ZGRF1: variants seen among roughly 807,000 people sequenced by gnomAD.
The protein encoded by ZGRF1 is zinc finger GRF-type containing 1.
Under a neutral mutation model 203.5 loss-of-function variants are expected in ZGRF1, and 196 were observed. That is an observed-to-expected ratio of 0.96 (90% CI 0.86 to 1.08). The LOEUF is 1.08. Among genes scored for constraint, ZGRF1 ranks in the 50% least tolerant of loss-of-function variants. ZGRF1 has a pLI of 0.00. For synonymous variants in ZGRF1, 809 were observed against 841.3 expected (o/e 0.96, Z 0.66); for missense variants, 2,326 against 2,416.3 (o/e 0.96, Z 0.78).
At chr4:112,545,376 AATAAG>A in intron 24 of ZGRF1, among the ~76,000 whole-genome samples, 1 of 152,308 alleles carries the variant, frequency 6.6e-6, no homozygotes, top group Non-Finnish European at 1.5e-5. Context: ...ATAAATGGCT[AATAAG>A]CACATGAAAA....
At chr4:112,552,266 G>C (rs560589872) in intron 22 of ZGRF1, among the ~76,000 whole-genome samples, 5 of 150,088 alleles carry the variant, frequency 3.3e-5, no homozygotes, top group African/African-American at 1.2e-4. Flanking sequence ...GACAGAGCGA[G>C]ACTCTGGCTC....
intron 16 of ZGRF1, among the ~76,000 whole-genome samples, chr4:112,572,360 T>A (rs1744361070): frequency 6.6e-6 from 1 of 152,204 alleles, no homozygotes; most frequent in African/African-American, 2.4e-5. Context: ...TGTGGAGGAA[T>A]GAAATTGGAT....
chr4:112,630,412 G>C (rs2047369627), intron 3 of ZGRF1, among the ~76,000 whole-genome samples: 1 of 152,076 alleles, frequency 6.6e-6, no homozygotes, highest in Non-Finnish European at 1.5e-5. Context: ...CAGCTACTCA[G>C]GAGGCTGAGG....
At chr4:112,609,252 A>C (rs1022853904) in intron 8 of ZGRF1, 127 bp downstream of exon 8, 2 of 291,752 alleles carry the variant, frequency 6.9e-6, no homozygotes, top group Non-Finnish European at 1.4e-5. Flanking sequence ...ACGGGGTTTT[A>C]CCATGTTAGC....
At chr4:112,550,863 T>A (rs758443706) in intron 22 of ZGRF1, among the ~76,000 whole-genome samples, 10 of 152,160 alleles carry the variant, frequency 6.6e-5, no homozygotes, top group South Asian at 2.1e-4. Context: ...AAATTAAAAA[T>A]TTTTTTAGAA....
chr4:112,592,260 G>T (rs1440417625), intron 10 of ZGRF1, among the ~76,000 whole-genome samples: 1 of 151,870 alleles, frequency 6.6e-6, no homozygotes, highest in Non-Finnish European at 1.5e-5. Context: ...ACCACCCCAG[G>T]CTAATTTTTG....
intron 10 of ZGRF1, among the ~76,000 whole-genome samples, chr4:112,592,940 AGAC>A (rs1458758560): frequency 6.6e-6 from 1 of 152,166 alleles, no homozygotes; most frequent in Non-Finnish European, 1.5e-5. Context: ...TTACAAAGAG[AGAC>A]AACAGAGAAT....
chr4:112,576,009 C>T (rs11725239), intron 16 of ZGRF1, among the ~76,000 whole-genome samples: 8,087 of 152,214 alleles, frequency 0.053, 309 homozygotes, highest in South Asian at 0.16. Flanking sequence ...CCCAAGTAGC[C>T]TAACTGGGAG....
chr4:112,623,637 A>T (rs1329663509), intron 4 of ZGRF1, among the ~76,000 whole-genome samples, 180 bp downstream of exon 4: 1 of 152,160 alleles, frequency 6.6e-6, no homozygotes, highest in Admixed American at 6.5e-5. Context: ...GATCATAAAA[A>T]ATCAGTTGTA....
At position 112,618,060 on chromosome 4, in the gene ZGRF1, T is replaced by A. The variant is rs1412118178; in HGVS notation, c.1982A>T (p.Asp661Val). 1 of 1,613,756 alleles carries A rather than the reference T, an allele frequency of 6.2e-7. No individual in the cohort carries two copies. The highest frequency in any genetic ancestry group is 1.1e-5 in the South Asian group (1 of 91,016). Residue 661 changes from aspartate (D) to valine (V), a missense_variant, in exon 6 of 28, where the codon GAT (aspartate) becomes GTT (valine). By Grantham distance (152) the Asp-to-Val change is radical. Transcript: ENST00000505019. ...GACTTCTTGAATAGGTTTATTAGCATCTTCTTTATTATCTCCGTATACAGC... is the reference window on the plus strand; with the variant it reads ...GACTTCTTGAATAGGTTTATTAGCAACTTCTTTATTATCTCCGTATACAGC... ...TDAVYGDNKE[D>V]ANKPIQEVRI...
chr4:112,592,712 T>A (rs527477181), intron 10 of ZGRF1, among the ~76,000 whole-genome samples: 1 of 152,344 alleles, frequency 6.6e-6, no homozygotes, highest in South Asian at 2.1e-4. Context: ...TTACTTAGCA[T>A]CTCTATTTGA....
At chr4:112,613,376 ATATTC>A (rs2046758655) in intron 6 of ZGRF1, among the ~76,000 whole-genome samples, 1 of 152,192 alleles carries the variant, frequency 6.6e-6, no homozygotes, top group African/African-American at 2.4e-5. Context: ...AAAAAATTCT[ATATTC>A]TAAAAAATTC....
chr4:112,565,020 A>G (rs948465916), intron 16 of ZGRF1: 12 of 969,322 alleles, frequency 1.2e-5, no homozygotes, highest in Non-Finnish European at 2.0e-5. Flanking sequence ...CCCACAAATC[A>G]ACCGGTGGTA....
rs766487298 is a variant in ZGRF1 at position 112,617,826 on chromosome 4, T to C, written c.2216A>G (p.Gln739Arg). 3 of 1,613,940 alleles carry C rather than the reference T, an allele frequency of 1.9e-6. No homozygotes were observed. Among genetic ancestry groups the C allele is most frequent in the Non-Finnish European group, 2.5e-6 (3 of 1,179,944 alleles). ...PSTSSSDNSV[Q>R]LLNTNQNHYE... ...GTGATTCTGATTGGTATTTAATAGT[T>C]GGACACTGTTGTCACTACTAGAAGT... The change falls in exon 6 of 28, where the codon CAA becomes CGA. Residue 739 changes from glutamine (Q) to arginine (R), a missense_variant. Physicochemically the swap from Gln to Arg is conservative, Grantham distance 43 (BLOSUM62 1). Transcript: ENST00000505019.
chr4:112,539,443 TC>T lies in ZGRF1; in HGVS notation c.*103del. ...ATGTGTTTACTATGTTATTTAAATA[TC>T]ATATTTTTAATAAGAGGGTTTAGAG... On this transcript the variant is annotated 3_prime_UTR_variant, in exon 28 of 28. Transcript: ENST00000505019. 1 of 609,690 alleles carries T rather than the reference TC, an allele frequency of 1.6e-6. No homozygotes were observed. Among genetic ancestry groups the T allele is most frequent in the Non-Finnish European group, 2.5e-6 (1 of 394,448 alleles). 37.8% of individuals were successfully genotyped at this position (609,690 alleles called of 1,614,324 possible). A position where few individuals can be genotyped will look rare whatever the true frequency, so the allele number is the denominator to read the frequency against.
In ZGRF1 at chr4:112,618,415, C is replaced by T; in HGVS notation, c.1627G>A (p.Glu543Lys). The stretch of plus-strand genomic sequence containing the variant: ...TTGTTGCTTTCCTGTGATTCCTCCT[C>T]AGTGTCACTGGTCTCAAAATTGTTC... ...NLNNFETSDT[E>K]EESQESNKIS... The change falls in exon 6 of 28, where the codon GAG (glutamate) becomes AAG (lysine). Residue 543 changes from glutamate to lysine, a missense_variant. Transcript: ENST00000505019. 2 of 1,613,906 alleles carry T rather than the reference C, an allele frequency of 1.2e-6. No individual in the cohort carries two copies. The highest frequency in any genetic ancestry group is 8.5e-7 in the Non-Finnish European group (1 of 1,179,906).
Position 112,560,744 on chromosome 4 carries a change from G to A in ZGRF1, c.4949C>T (p.Thr1650Ile). ...KELQTHTFPI[T>I]IIHGVFGAGK... is the part of the protein sequence containing the mutation. ...TTCTTGCTTCTTACCATGTATGATT[G>A]TGATAGGGAAGGTATGAGTTTGCAG... is the stretch of plus-strand genomic sequence containing the variant. Residue 1650 changes from threonine (T) to isoleucine (I), a missense_variant, in exon 19 of 28, where the codon ACA becomes ATA. Thr to Ile is a moderately conservative substitution (Grantham distance 89). Transcript: ENST00000505019. The A allele has an allele frequency of 6.3e-7, 1 of 1,586,488 alleles. No homozygotes were observed. Among genetic ancestry groups the A allele is most frequent in the Non-Finnish European group, 8.6e-7 (1 of 1,160,592 alleles).
intron 9 of ZGRF1, among the ~76,000 whole-genome samples, chr4:112,605,275 C>T (rs917864978): frequency 3.9e-5 from 6 of 152,130 alleles, no homozygotes; most frequent in Admixed American, 1.3e-4. Context: ...ATTCTCATGC[C>T]TCAGCCTCCA....
intron 20 of ZGRF1, 81 bp from the exon 21 acceptor site, chr4:112,554,863 T>C: frequency 1.5e-6 from 1 of 682,700 alleles, no homozygotes; most frequent in Admixed American, 2.9e-5. Flanking sequence ...TTACTACAAC[T>C]AATTTTGTGT....
Sources: gnomAD v4.1 joint callset for allele counts (sites outside exome capture counted in the v4.1 genomes callset) on GRCh38, gnomAD v4.1.1 for gene constraint, MANE v1.5 for transcripts, NCBI Gene and HGNC (gene_info 2026-07-23, HGNC 2026-07-21) for gene names.